The following RXYLT1 variants were observed in gnomAD, a reference collection of about 807,000 sequenced individuals.
RXYLT1 encodes ribitol xylosyltransferase 1.
Under a neutral mutation model 43.5 loss-of-function variants are expected in RXYLT1, and 41 were observed. The ratio of observed to expected loss-of-function variants is 0.94; its 90% CI spans 0.73 to 1.22. The LOEUF (loss-of-function observed/expected upper bound fraction) is 1.22. RXYLT1 is among the 50% of genes most tolerant of loss of function. RXYLT1 has a pLI of 0.00. For synonymous variants in RXYLT1, 166 were observed against 194.4 expected (o/e 0.85, Z 1.21); for missense variants, 514 against 532.0 (o/e 0.97, Z 0.33).
intron 3 of RXYLT1, among the ~76,000 whole-genome samples, chr12:63,790,740 G>A (rs1401230490): frequency 6.6e-6 from 1 of 152,094 alleles, no homozygotes. Flanking sequence ...GGGATTACAC[G>A]TGTGAGCCAC....
In RXYLT1 at chr12:63,808,847, G is replaced by A; in HGVS notation, c.1087G>A (p.Gly363Arg). The A allele has an allele frequency of 6.2e-7, 1 of 1,614,118 alleles. No homozygotes were observed. Among genetic ancestry groups the A allele is most frequent in the Non-Finnish European group, 8.5e-7 (1 of 1,180,008 alleles). ...VEDVMTAGNC[G>R]NTSVHHGAPL... ...AGACGTGATGACAGCTGGCAACTGT[G>A]GGAATACATCTGTGCACCACGGTGC... The change falls in exon 6 of 6, where the codon GGG becomes AGG. Residue 363 changes from glycine (G) to arginine (R), a missense_variant. Physicochemically the swap from Gly to Arg is moderately radical, Grantham distance 125. Coordinates refer to ENST00000261234, the MANE Select transcript of RXYLT1 (RefSeq NM_014254.3).
At position 63,802,175 on chromosome 12, in the gene RXYLT1, A is replaced by G; in HGVS notation, c.513A>G (p.Lys171=). 1 of 1,614,098 alleles carries G rather than the reference A, an allele frequency of 6.2e-7. No homozygotes were observed. Among genetic ancestry groups the G allele is most frequent in the Non-Finnish European group, 8.5e-7 (1 of 1,180,012 alleles). ...NVVLILNGRE[K]AKIFYATQWL... is the part of the protein sequence containing the mutation. ...TACTCATTTTAAATGGAAGAGAAAA[A>G]GCAAAGATCTTTTATGCCACCCAGT... Residue 171 remains lysine, a synonymous_variant, in exon 4 of 6, where the codon AAA becomes AAG. Transcript: ENST00000261234.
chr12:63,791,398 G>C (rs991835246), intron 3 of RXYLT1, among the ~76,000 whole-genome samples: 1 of 152,150 alleles, frequency 6.6e-6, no homozygotes, highest in African/African-American at 2.4e-5. Flanking sequence ...ATCAAGATTC[G>C]ATTATAACAT....
chr12:63,808,459 C>G (rs527503144), intron 5 of RXYLT1: 1 of 557,228 alleles, frequency 1.8e-6, no homozygotes, highest in South Asian at 2.5e-5. Context: ...TACGGTGACT[C>G]CTAGATTTTA....
chr12:63,800,944 A>C (rs1264816511), intron 3 of RXYLT1, among the ~76,000 whole-genome samples: 1 of 152,010 alleles, frequency 6.6e-6, no homozygotes, highest in African/African-American at 2.4e-5. Context: ...ATGGTAATAC[A>C]ACACATTCCC....
intron 4 of RXYLT1, 138 bp from the exon 5 acceptor site, chr12:63,805,096 T>C (rs968947001): frequency 7.5e-5 from 44 of 584,848 alleles, no homozygotes; most frequent in Non-Finnish European, 1.1e-4. Context: ...AAAGTATTCA[T>C]GGAAAATTAC....
In RXYLT1 at chr12:63,802,415, A is replaced by C. The variant is rs768357640; in HGVS notation, c.743+10A>C. The C allele has an allele frequency of 6.5e-7, 1 of 1,539,080 alleles. No individual in the cohort carries two copies. The highest frequency in any genetic ancestry group is 8.7e-7 in the Non-Finnish European group (1 of 1,144,224). ...CTTTAGGAGTAGCAACGTAAGTACAAAATATGATTAAACATTTTTAGGCCC... is the reference window on the plus strand; with the variant it reads ...CTTTAGGAGTAGCAACGTAAGTACACAATATGATTAAACATTTTTAGGCCC... On this transcript the variant is annotated intron_variant, in intron 4 of 5. Coordinates refer to ENST00000261234, the MANE Select transcript of RXYLT1 (RefSeq NM_014254.3).
At chr12:63,802,510 T>C (rs1403944634) in intron 4 of RXYLT1, 105 bp downstream of exon 4, 1 of 1,050,508 alleles carries the variant, frequency 9.5e-7, no homozygotes, top group African/African-American at 1.6e-5. Context: ...CTGGGATTAT[T>C]GAGGCCAGGT....
chr12:63,802,953 G>A (rs113527180), intron 4 of RXYLT1, among the ~76,000 whole-genome samples: 1 of 150,996 alleles, frequency 6.6e-6, no homozygotes, highest in East Asian at 1.9e-4. Flanking sequence ...CAGATTGCTC[G>A]AGTCCAGGAG....
intron 5 of RXYLT1, chr12:63,806,557 G>T (rs1449659380): frequency 6.6e-6 from 1 of 152,250 alleles, no homozygotes; most frequent in African/African-American, 2.4e-5. Context: ...CTATGTTACA[G>T]GAACAACAGG....
intron 5 of RXYLT1, chr12:63,806,978 C>T (rs1898308901): frequency 6.6e-6 from 1 of 152,384 alleles, no homozygotes; most frequent in African/African-American, 2.4e-5. Flanking sequence ...ATAATCTGGG[C>T]TTCCACCTGA....
intron 2 of RXYLT1, among the ~76,000 whole-genome samples, chr12:63,784,293 C>CT (rs1344261997): frequency 6.6e-6 from 1 of 152,116 alleles, no homozygotes; most frequent in Non-Finnish European, 1.5e-5. Flanking sequence ...ACAAAAACCT[C>CT]TTTGAGTGTA....
chr12:63,780,081 C>CG lies in RXYLT1; in HGVS notation c.125dup (p.Leu43ProfsTer22). ...CCGCCAGGCGCCGGCCGGGTCCCCG[C>CG]GGGGCCTCAGGAAGGGGGCGGCCCC... On this transcript the variant is annotated frameshift_variant, in exon 1 of 6. Transcript: ENST00000261234. LOFTEE classifies it high-confidence loss of function. The CG allele has an allele frequency of 6.3e-7, 1 of 1,592,422 alleles. No individual in the cohort carries two copies. The highest frequency in any genetic ancestry group is 8.5e-7 in the Non-Finnish European group (1 of 1,173,120).
intron 3 of RXYLT1, among the ~76,000 whole-genome samples, chr12:63,800,928 A>AG (rs1898145567): frequency 2.0e-5 from 3 of 152,244 alleles, no homozygotes; most frequent in Admixed American, 1.3e-4. Context: ...CTCAAAAAAA[A>AG]AAAAAATGGT....
At chr12:63,808,326 C>T (rs1210478876) in intron 5 of RXYLT1, 5 of 269,312 alleles carry the variant, frequency 1.9e-5, no homozygotes, top group Non-Finnish European at 3.4e-5. Context: ...ACTGACTTCA[C>T]TTGGTCACTA....
At chr12:63,786,368 T>C (rs1412975509) in intron 3 of RXYLT1, among the ~76,000 whole-genome samples, 1 of 152,224 alleles carries the variant, frequency 6.6e-6, no homozygotes, top group Non-Finnish European at 1.5e-5. Context: ...CCTCTAGAGA[T>C]ACTGCGTGTT....
chr12:63,794,218 C>T (rs1471704909), intron 3 of RXYLT1, among the ~76,000 whole-genome samples: 1 of 152,086 alleles, frequency 6.6e-6, no homozygotes, highest in Non-Finnish European at 1.5e-5. Context: ...GCCCTTACTC[C>T]CATTTCCTCT....
At chr12:63,807,204 C>T (rs1005742523) in intron 5 of RXYLT1, 6 of 152,214 alleles carry the variant, frequency 3.9e-5, no homozygotes, top group African/African-American at 1.4e-4. Flanking sequence ...CCCCTTTCTT[C>T]ATTTTATTCT....
At chr12:63,798,184 C>T (rs920585142) in intron 3 of RXYLT1, among the ~76,000 whole-genome samples, 6 of 152,140 alleles carry the variant, frequency 3.9e-5, no homozygotes, top group Non-Finnish European at 2.9e-5. Flanking sequence ...TGTCTGGTCC[C>T]TCACCCATCC....
Sources: gnomAD v4.1 joint callset for allele counts (sites outside exome capture counted in the v4.1 genomes callset) on GRCh38, gnomAD v4.1.1 for gene constraint, MANE v1.5 for transcripts, NCBI Gene and HGNC (gene_info 2026-07-23, HGNC 2026-07-21) for gene names.